The following TCF12 variants were observed in gnomAD, a reference collection of about 807,000 sequenced individuals.
TCF12 encodes transcription factor 12.
A neutral mutation model predicts 86.0 loss-of-function variants in TCF12; 45 were observed. The observed-to-expected ratio is 0.52, with a 90% CI of 0.41 to 0.67. The LOEUF is 0.67. Ranked by LOEUF, TCF12 falls within the 30% of genes least tolerant of loss-of-function variation. TCF12 has a pLI of 0.00. For missense variants in TCF12, 881 were observed against 859.9 expected (o/e 1.02, Z -0.31); for synonymous variants, 330 against 299.6 (o/e 1.10, Z -1.05).
At chr15:57,163,012 G>A (rs547969537) in intron 5 of TCF12, among the ~76,000 whole-genome samples, 1 of 151,950 alleles carries the variant, frequency 6.6e-6, no homozygotes, top group East Asian at 1.9e-4. Context: ...TATCTCGACT[G>A]AAAACACAAA....
chr15:57,122,779 T>G (rs1404048109), intron 5 of TCF12, among the ~76,000 whole-genome samples: 1 of 152,234 alleles, frequency 6.6e-6, no homozygotes, highest in Non-Finnish European at 1.5e-5. Context: ...AAAATGTGTA[T>G]TCACTAGATC....
intron 3 of TCF12, among the ~76,000 whole-genome samples, chr15:57,057,281 C>G (rs1169027244): frequency 2.0e-5 from 3 of 152,186 alleles, no homozygotes; most frequent in Non-Finnish European, 4.4e-5. Context: ...TCCTCACTTT[C>G]TAGTGACTGT....
At chr15:57,020,643 A>G in intron 3 of TCF12, among the ~76,000 whole-genome samples, 1 of 152,210 alleles carries the variant, frequency 6.6e-6, no homozygotes, top group East Asian at 1.9e-4. Context: ...ATAGATGGAT[A>G]AGGTCGCTTG....
intron 4 of TCF12, among the ~76,000 whole-genome samples, chr15:57,075,810 C>CTT (rs1468494536): frequency 6.4e-4 from 42 of 65,418 alleles, no homozygotes; most frequent in African/African-American, 1.9e-3. Context: ...TTCTTTCTCT[C>CTT]TCTCTCTCTC....
intron 8 of TCF12, among the ~76,000 whole-genome samples, chr15:57,207,972 G>C (rs1179682889): frequency 6.7e-6 from 1 of 149,620 alleles, no homozygotes. Context: ...CGTGAATGAA[G>C]AACTATTTTA....
At chr15:57,086,473 T>C (rs1263465083) in intron 4 of TCF12, among the ~76,000 whole-genome samples, 2 of 151,720 alleles carry the variant, frequency 1.3e-5, no homozygotes, top group African/African-American at 4.8e-5. Flanking sequence ...CTCCAAAAAT[T>C]TCATGTTTAT....
chr15:56,975,072 T>C (rs767020013), intron 3 of TCF12, among the ~76,000 whole-genome samples: 3 of 152,178 alleles, frequency 2.0e-5, no homozygotes, highest in Non-Finnish European at 4.4e-5. Context: ...TGAAAACATT[T>C]GCAATATTCA....
intron 3 of TCF12, among the ~76,000 whole-genome samples, chr15:56,968,224 T>TG (rs1193041199): frequency 2.6e-5 from 4 of 152,234 alleles, no homozygotes; most frequent in African/African-American, 9.6e-5. Flanking sequence ...CCCAAAGTGC[T>TG]GGGATTATAA....
chr15:57,120,066 A>G (rs1039663075), intron 5 of TCF12, among the ~76,000 whole-genome samples: 14 of 152,206 alleles, frequency 9.2e-5, no homozygotes, highest in Non-Finnish European at 1.9e-4. Flanking sequence ...CCTAACTGAA[A>G]TGCCCTTCAT....
intron 5 of TCF12, among the ~76,000 whole-genome samples, chr15:57,111,667 C>T (rs2050500690): frequency 6.7e-6 from 1 of 148,674 alleles, no homozygotes; most frequent in Non-Finnish European, 1.5e-5. Flanking sequence ...TCTCAGCTCA[C>T]TGCAACCTCT....
At chr15:57,247,557 T>A in intron 13 of TCF12, 1 of 916,720 alleles carries the variant, frequency 1.1e-6, no homozygotes, top group East Asian at 2.4e-5. Context: ...CCTGTCTTTT[T>A]TCCACTCTGC....
chr15:57,217,896 A>T (rs1004061072), intron 8 of TCF12, among the ~76,000 whole-genome samples: 1 of 152,158 alleles, frequency 6.6e-6, no homozygotes, highest in Admixed American at 6.5e-5. Context: ...GTGGTCTCTC[A>T]GGAGGGAGGA....
intron 5 of TCF12, among the ~76,000 whole-genome samples, chr15:57,127,255 T>C (rs2051733223): frequency 6.6e-6 from 1 of 152,170 alleles, no homozygotes; most frequent in Non-Finnish European, 1.5e-5. Context: ...AGTGCTGGGA[T>C]TACAGGTGTG....
intron 6 of TCF12, among the ~76,000 whole-genome samples, chr15:57,183,027 C>CT (rs1169689215): frequency 6.6e-6 from 1 of 152,184 alleles, no homozygotes; most frequent in African/African-American, 2.4e-5. Context: ...CTTGTTATCA[C>CT]TTTAATATGT....
At chr15:57,082,023 A>G (rs2048348057) in intron 4 of TCF12, among the ~76,000 whole-genome samples, 1 of 152,240 alleles carries the variant, frequency 6.6e-6, no homozygotes, top group South Asian at 2.1e-4. Context: ...GGGATTTAGC[A>G]CATATGTGAG....
intron 3 of TCF12, among the ~76,000 whole-genome samples, chr15:56,928,016 T>G (rs553963093): frequency 1.3e-5 from 2 of 152,156 alleles, no homozygotes; most frequent in East Asian, 3.9e-4. Flanking sequence ...CTAATTGGAG[T>G]CTTGTCAGTG....
chr15:57,267,002 C>A (rs2060901604), intron 18 of TCF12, among the ~76,000 whole-genome samples: 1 of 152,186 alleles, frequency 6.6e-6, no homozygotes, highest in Admixed American at 6.5e-5. Context: ...GCATTCTAGC[C>A]TGGCTAACAG....
chr15:57,105,720 T>C (rs956517022), intron 5 of TCF12, among the ~76,000 whole-genome samples: 1 of 152,112 alleles, frequency 6.6e-6, no homozygotes, highest in African/African-American at 2.4e-5. Context: ...CCATGAAAAG[T>C]TTTTAATGAG....
At chr15:56,936,969 T>A (rs187127123) in intron 3 of TCF12, among the ~76,000 whole-genome samples, 2 of 152,200 alleles carry the variant, frequency 1.3e-5, no homozygotes, top group Non-Finnish European at 2.9e-5. Flanking sequence ...TCTGGTTCCA[T>A]ATGAATTTTA....
Sources: allele counts gnomAD v4.1 joint callset (sites outside exome capture counted in the v4.1 genomes callset), GRCh38; gene constraint gnomAD v4.1.1; transcripts MANE v1.5; gene names NCBI Gene and HGNC (gene_info 2026-07-23, HGNC 2026-07-21).